Variants in AVL9 observed in about 807,000 individuals in gnomAD.
AVL9 encodes the protein AVL9 cell migration associated.
AVL9 carries 49 observed loss-of-function variants against 79.2 expected under a neutral mutation model. That is an observed-to-expected ratio of 0.62 (90% CI 0.49 to 0.79). The LOEUF (loss-of-function observed/expected upper bound fraction) is 0.79. Ranked by LOEUF, AVL9 falls within the 30% of genes least tolerant of loss-of-function variation. The pLI, the probability that AVL9 is intolerant of heterozygous loss-of-function variation, is 0.00. For synonymous variants in AVL9, 299 were observed against 280.6 expected, an observed-to-expected ratio of 1.07 and a Z score of -0.65; for missense variants, 682 against 776.8, an observed-to-expected ratio of 0.88 and a Z score of 1.45.
At chr7:32,552,048 A>G (rs983614469) in intron 5 of AVL9, among the ~76,000 whole-genome samples, 181 bp from the exon 6 acceptor site, 6 of 152,246 alleles carry the variant, frequency 3.9e-5, no homozygotes, top group African/African-American at 1.4e-4. Flanking sequence ...GATACTGCTC[A>G]TATCCAGAAG....
intron 1 of AVL9, among the ~76,000 whole-genome samples, chr7:32,511,717 C>G (rs1005254107): frequency 1.3e-5 from 2 of 151,802 alleles, no homozygotes; most frequent in Non-Finnish European, 2.9e-5. Flanking sequence ...GAAACAGGTA[C>G]GCTGGAAAAC....
intron 6 of AVL9, 105 bp from the exon 7 acceptor site, chr7:32,553,622 C>CTTT: frequency 1.6e-6 from 1 of 607,066 alleles, no homozygotes; most frequent in Non-Finnish European, 2.8e-6. Context: ...CATATTCCTA[C>CTTT]TTTTTTTTTT....
chr7:32,579,278 T>TTATA (rs5883360), intron 13 of AVL9, among the ~76,000 whole-genome samples: 94 of 105,990 alleles, frequency 8.9e-4, no homozygotes, highest in Middle Eastern at 4.8e-3. Flanking sequence ...ATGCCTGATT[T>TTATA]TATATATATA....
chr7:32,497,029 G>T (rs1210375637), intron 1 of AVL9, among the ~76,000 whole-genome samples: 1 of 152,216 alleles, frequency 6.6e-6, no homozygotes, highest in Non-Finnish European at 1.5e-5. Flanking sequence ...GAGCCCAGGA[G>T]GCTGAGGCTA....
chr7:32,559,402 C>T lies in AVL9; in HGVS notation c.1153C>T (p.Pro385Ser), dbSNP rs1369630122. 10 of 1,609,802 alleles carry T rather than the reference C, an allele frequency of 6.2e-6. No individual in the cohort carries two copies. The highest frequency in any genetic ancestry group is 8.5e-6 in the Non-Finnish European group (10 of 1,178,294). Residue 385 changes from proline to serine, a missense_variant, in exon 10 of 16, where the codon CCA becomes TCA. Pro to Ser is a moderately conservative substitution (Grantham distance 74). Transcript: ENST00000318709. ...QANTGQVVLI[P>S]GLISGLEEDQ... The stretch of plus-strand genomic sequence containing the variant: ...TAATACGGGACAGGTAGTCCTGATA[C>T]CAGGGCTCATTTCGGGTTTGGAAGA...
rs967569625 is a variant in AVL9 at position 32,588,406 on chromosome 7, A to G, written c.*4499A>G. ...ATTGGATTAATGAGTTGGTGAAGGC[A>G]TTTAGTGGTTACAAAAACAGTTTAA... On this transcript the variant is annotated 3_prime_UTR_variant, in exon 16 of 16. Transcript: ENST00000318709. 1 of 152,238 alleles carries G rather than the reference A, an allele frequency of 6.6e-6. No individual in the cohort carries two copies. The highest frequency in any genetic ancestry group is 2.4e-5 in the African/African-American group (1 of 41,456). 9.4% of individuals were successfully genotyped at this position (152,238 alleles called of 1,614,324 possible).
At chr7:32,580,375 G>T in intron 14 of AVL9, 103 bp downstream of exon 14, 1 of 888,442 alleles carries the variant, frequency 1.1e-6, no homozygotes, top group Non-Finnish European at 1.8e-6. Flanking sequence ...ATAGACTTAT[G>T]CTTCAAATAG....
chr7:32,526,535 TA>T (rs1166645066), intron 1 of AVL9, among the ~76,000 whole-genome samples: 1 of 151,704 alleles, frequency 6.6e-6, no homozygotes, highest in Non-Finnish European at 1.5e-5. Flanking sequence ...CCTGACTGGC[TA>T]AAAAAAACAC....
intron 5 of AVL9, among the ~76,000 whole-genome samples, chr7:32,551,965 C>T (rs1031577961): frequency 1.3e-5 from 2 of 151,758 alleles, no homozygotes; most frequent in Non-Finnish European, 2.9e-5. Flanking sequence ...GTGAATGAAC[C>T]ACGCTCTAAA....
In AVL9 at chr7:32,495,755, G is replaced by A. The variant is rs1237738525; in HGVS notation, c.46G>A (p.Val16Ile). ...CGGGGATGGCGTCCCCCGGGGGCCC[G>A]TACTGCACATCGTGGTGGTCGGATT... ...RGGDGVPRGP[V>I]LHIVVVGFHH... The change falls in exon 1 of 16, where the codon GTA becomes ATA. Residue 16 changes from valine to isoleucine, a missense_variant. Coordinates refer to ENST00000318709, the MANE Select transcript of AVL9 (RefSeq NM_015060.3). The A allele has an allele frequency of 1.6e-6, 2 of 1,259,414 alleles. No homozygotes were observed. The highest frequency in any genetic ancestry group is 1.6e-5 in the African/African-American group (1 of 64,498). 78.0% of individuals were successfully genotyped at this position (1,259,414 alleles called of 1,614,324 possible).
chr7:32,560,657 T>A (rs1422570819), intron 10 of AVL9, among the ~76,000 whole-genome samples: 1 of 152,214 alleles, frequency 6.6e-6, no homozygotes, highest in Non-Finnish European at 1.5e-5. Flanking sequence ...TATTTTGACC[T>A]CCTCCTGTGA....
chr7:32,574,254 A>AC, intron 12 of AVL9, among the ~76,000 whole-genome samples: 1 of 151,634 alleles, frequency 6.6e-6, no homozygotes, highest in Non-Finnish European at 1.5e-5. Flanking sequence ...CACCACCACC[A>AC]CATGCTCCCA....
At chr7:32,532,983 A>G (rs1171992847) in intron 1 of AVL9, 1 of 152,076 alleles carries the variant, frequency 6.6e-6, no homozygotes, top group Non-Finnish European at 1.5e-5. Flanking sequence ...ACCAGTGCAC[A>G]GCAGCTTGAG....
intron 1 of AVL9, among the ~76,000 whole-genome samples, chr7:32,505,002 T>C (rs1787343437): frequency 6.6e-6 from 1 of 151,972 alleles, no homozygotes; most frequent in Admixed American, 6.6e-5. Context: ...GCCTCCCATG[T>C]AGCTGGGATT....
chr7:32,569,953 A>G (rs2305320), intron 10 of AVL9, 67 bp from the exon 11 acceptor site: 1,259,268 of 1,521,778 alleles, frequency 0.83, 521,628 homozygotes, highest in Admixed American at 0.9. Flanking sequence ...CTGTTAGCTC[A>G]CTAAGTTTAA....
At chr7:32,562,502 AT>A (rs1280249546) in intron 10 of AVL9, 3 of 441,234 alleles carry the variant, frequency 6.8e-6, no homozygotes, top group East Asian at 1.5e-4. Flanking sequence ...TGTATTTGAA[AT>A]TTTTTAATAA....
intron 1 of AVL9, among the ~76,000 whole-genome samples, chr7:32,504,955 C>T (rs1187476016): frequency 6.6e-6 from 1 of 152,000 alleles, no homozygotes; most frequent in African/African-American, 2.4e-5. Flanking sequence ...CTCGCTGCAA[C>T]CTCCACCTCC....
intron 11 of AVL9, among the ~76,000 whole-genome samples, chr7:32,571,356 C>T (rs1477131099): frequency 3.3e-5 from 5 of 151,522 alleles, no homozygotes; most frequent in Admixed American, 6.6e-5. Flanking sequence ...GGTGAAACCC[C>T]GTCTCTACTA....
chr7:32,550,179 A>G (rs1296523260), intron 4 of AVL9, among the ~76,000 whole-genome samples: 1 of 152,242 alleles, frequency 6.6e-6, no homozygotes, highest in African/African-American at 2.4e-5. Flanking sequence ...CAATAATAAT[A>G]GATGCCATTT....
Sources: allele counts gnomAD v4.1 joint callset (sites outside exome capture counted in the v4.1 genomes callset), GRCh38; gene constraint gnomAD v4.1.1; transcripts MANE v1.5; gene names NCBI Gene and HGNC (gene_info 2026-07-23, HGNC 2026-07-21).